Variants in ST6GALNAC3 observed in about 807,000 individuals in gnomAD.
The protein encoded by ST6GALNAC3 is ST6 N-acetylgalactosaminide alpha-2,6-sialyltransferase 3.
Under a neutral mutation model 32.7 loss-of-function variants are expected in ST6GALNAC3, and 25 were observed. The observed-to-expected ratio is 0.76, with a 90% CI of 0.56 to 1.07. The LOEUF is 1.07. Among genes scored for constraint, ST6GALNAC3 ranks in the 50% least tolerant of loss-of-function variants. ST6GALNAC3 has a pLI of 0.00. For synonymous variants in ST6GALNAC3, 129 were observed against 133.1 expected (o/e 0.97, Z 0.21); for missense variants, 355 against 382.4 (o/e 0.93, Z 0.60).
intron 1 of ST6GALNAC3, among the ~76,000 whole-genome samples, chr1:76,115,246 G>T (rs1253309415): frequency 6.6e-6 from 1 of 152,130 alleles, no homozygotes; most frequent in East Asian, 1.9e-4. Flanking sequence ...CGGAGCTTAG[G>T]CTTGGTTTTG....
chr1:76,490,109 G>A (rs544745012), intron 3 of ST6GALNAC3, among the ~76,000 whole-genome samples: 204 of 152,240 alleles, frequency 1.3e-3, no homozygotes, highest in Non-Finnish European at 1.6e-3. Flanking sequence ...GGGTCAGTTA[G>A]GCATCAGTCC....
At chr1:76,483,712 G>A (rs1300658052) in intron 3 of ST6GALNAC3, among the ~76,000 whole-genome samples, 1 of 152,142 alleles carries the variant, frequency 6.6e-6, no homozygotes, top group Non-Finnish European at 1.5e-5. Context: ...CTGTGCAGAA[G>A]CTCTTTAGTT....
rs369395627 is a variant in ST6GALNAC3 at position 76,286,718 on chromosome 1, A to G, written c.19-27087A>G. Among the ~76,000 whole-genome samples, 3 of 152,228 alleles carry G rather than the reference A, an allele frequency of 2.0e-5. No individual in the cohort carries two copies. In the South Asian group the frequency reaches 6.2e-4, roughly 32 times the overall value. ...TCATGGCCATGCCTCAGCCAAACCAACTGGGAATTATGAAGATTGGTTTGA... is the reference window on the plus strand; with the variant it reads ...TCATGGCCATGCCTCAGCCAAACCAGCTGGGAATTATGAAGATTGGTTTGA... On this transcript the variant is annotated intron_variant, in intron 1 of 4. Coordinates refer to ENST00000328299, the MANE Select transcript of ST6GALNAC3 (RefSeq NM_152996.4).
intron 2 of ST6GALNAC3, among the ~76,000 whole-genome samples, chr1:76,370,643 T>G (rs1182101180): frequency 6.6e-6 from 1 of 152,200 alleles, no homozygotes; most frequent in Admixed American, 6.6e-5. Flanking sequence ...TCTAAGATTA[T>G]TGTGGGTAAG....
intron 1 of ST6GALNAC3, chr1:76,142,753 T>C: frequency 2.4e-6 from 1 of 418,986 alleles, no homozygotes; most frequent in South Asian, 1.8e-5. Flanking sequence ...CGTCCAGCTG[T>C]GGTTATCTGG....
At chr1:76,306,426 A>G (rs1352600374) in intron 1 of ST6GALNAC3, among the ~76,000 whole-genome samples, 1 of 152,118 alleles carries the variant, frequency 6.6e-6, no homozygotes, top group Non-Finnish European at 1.5e-5. Context: ...TAGTTAAAAA[A>G]AAGTTTAAAA....
chr1:76,580,961 A>G (rs1177030442), intron 3 of ST6GALNAC3, among the ~76,000 whole-genome samples: 1 of 152,052 alleles, frequency 6.6e-6, no homozygotes, highest in Admixed American at 6.6e-5. Context: ...GTGTTATGGG[A>G]TTTTATGCCA....
intron 1 of ST6GALNAC3, among the ~76,000 whole-genome samples, chr1:76,206,742 A>C (rs1229474017): frequency 6.6e-6 from 1 of 152,082 alleles, no homozygotes; most frequent in Non-Finnish European, 1.5e-5. Context: ...AAAAAAAAAA[A>C]TGCTGTCGTT....
chr1:76,533,727 T>C (rs1257249081), intron 3 of ST6GALNAC3, among the ~76,000 whole-genome samples: 2 of 152,182 alleles, frequency 1.3e-5, no homozygotes, highest in Non-Finnish European at 2.9e-5. Flanking sequence ...AAAGCTCTAC[T>C]GTATCTATCC....
intron 3 of ST6GALNAC3, among the ~76,000 whole-genome samples, chr1:76,519,950 C>T (rs963499194): frequency 6.6e-6 from 1 of 151,446 alleles, no homozygotes; most frequent in Admixed American, 6.6e-5. Flanking sequence ...TATATTTATA[C>T]ACTTTAAAAA....
intron 2 of ST6GALNAC3, among the ~76,000 whole-genome samples, chr1:76,373,328 A>C (rs1256614848): frequency 6.6e-6 from 1 of 152,228 alleles, no homozygotes; most frequent in Non-Finnish European, 1.5e-5. Flanking sequence ...GGAGATTACA[A>C]AAACTTTCAA....
At chr1:76,545,518 ATAAT>A (rs1480268539) in intron 3 of ST6GALNAC3, among the ~76,000 whole-genome samples, 2 of 152,166 alleles carry the variant, frequency 1.3e-5, no homozygotes, top group African/African-American at 4.8e-5. Context: ...AATAATAAAA[ATAAT>A]TATATTATAC....
intron 1 of ST6GALNAC3, among the ~76,000 whole-genome samples, chr1:76,308,163 G>T (rs1661177451): frequency 6.6e-6 from 1 of 152,108 alleles, no homozygotes; most frequent in Non-Finnish European, 1.5e-5. Context: ...GTTTGCAGCT[G>T]CTTGGAATAT....
rs940442176 is a variant in ST6GALNAC3 at position 76,394,593 on chromosome 1, T to C, written c.214-17415T>C. ...TTTAGTCCCAGGTTTTGAGGTGTTATCTATACTTTTTCAAGCCTAAAACTT... is the reference window on the plus strand; with the variant it reads ...TTTAGTCCCAGGTTTTGAGGTGTTACCTATACTTTTTCAAGCCTAAAACTT... On this transcript the variant is annotated intron_variant, in intron 2 of 4. Transcript: ENST00000328299. Among the ~76,000 whole-genome samples the C allele has an allele frequency of 5.3e-5, 8 of 152,324 alleles. No individual in the cohort carries two copies. In the South Asian group the frequency reaches 8.3e-4, roughly 16 times the overall value.
intron 1 of ST6GALNAC3, among the ~76,000 whole-genome samples, chr1:76,083,272 A>G (rs1213781296): frequency 6.6e-6 from 1 of 152,258 alleles, no homozygotes; most frequent in East Asian, 1.9e-4. Flanking sequence ...TCGTGAGTTG[A>G]TCCCTCTATT....
At chr1:76,253,331 C>A (rs962553136) in intron 1 of ST6GALNAC3, among the ~76,000 whole-genome samples, 3 of 152,102 alleles carry the variant, frequency 2.0e-5, no homozygotes, top group Non-Finnish European at 2.9e-5. Flanking sequence ...ATGGATGTTA[C>A]TGAATTCCCT....
In ST6GALNAC3 at chr1:76,509,802, C is replaced by T. The variant is rs1301176272; in HGVS notation, c.623+97385C>T. On this transcript the variant is annotated intron_variant, in intron 3 of 4. Coordinates refer to ENST00000328299, the MANE Select transcript of ST6GALNAC3 (RefSeq NM_152996.4). The surrounding 1 kb of genome is among the most constrained non-coding windows in gnomAD (Gnocchi z 5.5). ...TCCATTCTCACATATCTTTTCCTCA[C>T]ATTGCTGTTTCTCTATTTCTCTTTT... is the stretch of plus-strand genomic sequence containing the variant. Among the ~76,000 whole-genome samples, 1 of 152,140 alleles carries T rather than the reference C, an allele frequency of 6.6e-6. No homozygotes were observed. Among genetic ancestry groups the T allele is most frequent in the East Asian group, 1.9e-4 (1 of 5,184 alleles).
intron 3 of ST6GALNAC3, among the ~76,000 whole-genome samples, chr1:76,419,297 A>G (rs990611367): frequency 1.3e-5 from 2 of 152,080 alleles, no homozygotes; most frequent in Admixed American, 1.3e-4. Context: ...ATTATACTGT[A>G]TAGAAAAAAA....
chr1:76,153,481 C>T (rs539033324), intron 1 of ST6GALNAC3, among the ~76,000 whole-genome samples: 5 of 152,250 alleles, frequency 3.3e-5, no homozygotes, highest in South Asian at 2.1e-4. Context: ...CCTGCCTGTG[C>T]GTGCGAAATT....
Sources: allele counts gnomAD v4.1 joint callset (sites outside exome capture counted in the v4.1 genomes callset), GRCh38; gene constraint gnomAD v4.1.1; non-coding constraint Gnocchi (gnomAD v3.1); transcripts MANE v1.5; gene names NCBI Gene and HGNC (gene_info 2026-07-23, HGNC 2026-07-21).